MYH11: variants seen among roughly 807,000 people sequenced by gnomAD.
MYH11 encodes myosin-11.
Under a neutral mutation model 246.6 loss-of-function variants are expected in MYH11, and 80 were observed. The observed-to-expected ratio is 0.32, with a 90% CI of 0.27 to 0.39. The LOEUF is 0.39. Among genes scored for constraint, MYH11 ranks in the 10% least tolerant of loss-of-function variants. The pLI is 1.00. For synonymous variants in MYH11, 1,071 were observed against 1,015.5 expected (o/e 1.05, Z -1.04); for missense variants, 2,158 against 2,546.8 (o/e 0.85, Z 3.29).
intron 25 of MYH11, 85 bp downstream of exon 25, chr16:15,737,364 A>C (rs2041148404): frequency 6.3e-7 from 1 of 1,581,110 alleles, no homozygotes; most frequent in Admixed American, 1.7e-5. Flanking sequence ...CGCCTTGACC[A>C]AGACAGCCAC....
At chr16:15,837,815 A>AT (rs2043939654) in intron 2 of MYH11, 93 bp downstream of exon 2, 1 of 1,197,726 alleles carries the variant, frequency 8.3e-7, no homozygotes, top group Non-Finnish European at 1.2e-6. Context: ...GAGTACAGGC[A>AT]TGAGCCACTG....
At chr16:15,762,250 C>T (rs960709249) in intron 10 of MYH11, among the ~76,000 whole-genome samples, 2 of 152,230 alleles carry the variant, frequency 1.3e-5, no homozygotes, top group Non-Finnish European at 2.9e-5. Context: ...CCTAGGATTA[C>T]AGGCATGAGC....
At chr16:15,744,587 C>G (rs2041365714) in intron 20 of MYH11, among the ~76,000 whole-genome samples, 1 of 152,148 alleles carries the variant, frequency 6.6e-6, no homozygotes, top group Non-Finnish European at 1.5e-5. Flanking sequence ...ACTGCAACCT[C>G]TGTCTCCTGA....
chr16:15,745,151 TG>T lies in MYH11; in HGVS notation c.2497del (p.Gln833SerfsTer9). On this transcript the variant is annotated frameshift_variant, in exon 20 of 41. Transcript: ENST00000300036. LOFTEE classifies it high-confidence loss of function. Reference sequence around the variant, plus strand: ...CACTTTGGTGAAAAGCCTCCACCACTGCCAGTTCCGCAGCTTGAGGTAGGCG... The same window carrying T: ...CACTTTGGTGAAAAGCCTCCACCACTCCAGTTCCGCAGCTTGAGGTAGGCG... The part of the protein sequence containing the change: ...CAAYLKLRNW[Q>X]WWRLFTKVKP... The T allele has an allele frequency of 6.2e-7, 1 of 1,614,114 alleles. No homozygotes were observed. The highest frequency in any genetic ancestry group is 8.5e-7 in the Non-Finnish European group (1 of 1,180,004).
At chr16:15,852,049 G>A (rs2044343723) in intron 1 of MYH11, among the ~76,000 whole-genome samples, 1 of 152,178 alleles carries the variant, frequency 6.6e-6, no homozygotes, top group East Asian at 1.9e-4. Flanking sequence ...GGGACGGTGG[G>A]TGAGTGACCA....
In MYH11 at chr16:15,704,023, C is replaced by T. The variant is rs146413415; in HGVS notation, c.5887G>A (p.Ala1963Thr). 218 of 1,614,044 alleles carry T rather than the reference C, an allele frequency of 1.4e-4. No individual in the cohort carries two copies. The highest frequency in any genetic ancestry group is 1.7e-4 in the Non-Finnish European group (206 of 1,180,006). Residue 1963 changes from alanine to threonine, a missense_variant, in exon 41 of 41, where the codon GCA becomes ACA. Transcript: ENST00000300036. Reference sequence around the variant, plus strand: ...CTGGCCTTGGTTCCATTGAAGTCTGCGTCTCGAGTGTCCGTTTCCTCCTCA... The same window carrying T: ...CTGGCCTTGGTTCCATTGAAGTCTGTGTCTCGAGTGTCCGTTTCCTCCTCA... ...GSEEETDTRD[A>T]DFNGTKASE
chr16:15,821,714 C>G (rs974973971), intron 3 of MYH11, among the ~76,000 whole-genome samples: 5 of 142,222 alleles, frequency 3.5e-5, no homozygotes, highest in Admixed American at 1.4e-4. Context: ...GTCAGGAGAT[C>G]GAGACCATCC....
In MYH11 at chr16:15,748,079, G is replaced by T. The variant is rs757340546; in HGVS notation, c.2148C>A (p.Pro716=). The T allele has an allele frequency of 6.2e-7, 1 of 1,614,198 alleles. No individual in the cohort carries two copies. Among genetic ancestry groups the T allele is most frequent in the African/African-American group, 1.3e-5 (1 of 75,064 alleles). Residue 716 remains proline (P), a synonymous_variant, in exon 17 of 41, where the codon CCC becomes CCA. Coordinates refer to ENST00000300036, the MANE Select transcript of MYH11 (RefSeq NM_002474.3). ...GGAACTCCTGGAAGACGATCCGGTTGGGGAAGCCCTGCCGGCAGATGCGAA... is the reference window on the plus strand; with the variant it reads ...GGAACTCCTGGAAGACGATCCGGTTTGGGAAGCCCTGCCGGCAGATGCGAA... The part of the protein sequence containing the change: ...EGIRICRQGF[P]NRIVFQEFRQ...
intron 3 of MYH11, 29 bp from the exon 4 acceptor site, chr16:15,798,716 A>T: frequency 6.2e-7 from 1 of 1,611,972 alleles, no homozygotes; most frequent in Non-Finnish European, 8.5e-7. Context: ...AAAAAGAGCC[A>T]TGAATTAAAA....
At chr16:15,740,013 A>G (rs2041226830) in intron 23 of MYH11, 38 bp downstream of exon 23, 1 of 1,610,796 alleles carries the variant, frequency 6.2e-7, no homozygotes, top group Non-Finnish European at 8.5e-7. Context: ...AAGTGCTCGG[A>G]TTATAGGCGT....
chr16:15,718,172 T>G, intron 37 of MYH11, 143 bp downstream of exon 37: 1 of 1,332,798 alleles, frequency 7.5e-7, no homozygotes. Flanking sequence ...GCCCTGGATC[T>G]CTACTCTCAG....
intron 40 of MYH11, chr16:15,708,885 A>G (rs767483296): frequency 1.3e-6 from 2 of 1,574,742 alleles, no homozygotes; most frequent in African/African-American, 1.3e-5. Flanking sequence ...TCAGCAAACA[A>G]GAAGGAGCCC....
rs992003993 is a variant in MYH11 at position 15,714,847 on chromosome 16, G to A, written c.5786+62C>T. The A allele has an allele frequency of 5.4e-5, 87 of 1,599,684 alleles. No homozygotes were observed. The Middle Eastern group carries it at 2.2e-3, about 41-fold the overall frequency. ...GGCATTTGCAGGCCGAAAGGAGCCC[G>A]AGCCCCCAGTGCTTTTCTCTGGCCT... On this transcript the variant is annotated intron_variant, in intron 40 of 40. Transcript: ENST00000300036.
intron 7 of MYH11, among the ~76,000 whole-genome samples, chr16:15,777,509 C>G (rs1193715319): frequency 6.6e-6 from 1 of 152,092 alleles, no homozygotes; most frequent in East Asian, 1.9e-4. Context: ...AAAAGGAAGG[C>G]TGAGGCCAGA....
intron 16 of MYH11, among the ~76,000 whole-genome samples, chr16:15,748,740 C>T (rs1478047975): frequency 6.6e-6 from 1 of 152,056 alleles, no homozygotes; most frequent in Non-Finnish European, 1.5e-5. Context: ...ATCAGCCTCC[C>T]AAGTATTTGG....
intron 3 of MYH11, among the ~76,000 whole-genome samples, chr16:15,802,934 C>T (rs1165173373): frequency 6.6e-6 from 1 of 151,988 alleles, no homozygotes; most frequent in Non-Finnish European, 1.5e-5. Flanking sequence ...GTCAGGAGTT[C>T]GAGACCAGCC....
At position 15,798,624 on chromosome 16, in the gene MYH11, C is replaced by A. The variant is rs12102468; in HGVS notation, c.530+36G>T. On this transcript the variant is annotated intron_variant, in intron 4 of 40. Transcript: ENST00000300036. ...ACTACAGATTAAAAAAAAAAAAAAA[C>A]AAAAAAAAAACAGAAGAAAAAGCAG... 157,660 of 823,752 alleles carry A rather than the reference C, an allele frequency of 0.19. 14,271 individuals are homozygous for A. The highest frequency in any genetic ancestry group is 0.57 in the African/African-American group (19,171 of 33,350). The allele number at this position is 823,752 out of a possible 1,614,324, so 51.0% of individuals were successfully genotyped here.
chr16:15,730,882 C>T (rs547521286), intron 27 of MYH11, among the ~76,000 whole-genome samples: 5 of 152,356 alleles, frequency 3.3e-5, no homozygotes, highest in African/African-American at 9.6e-5. Flanking sequence ...CACTCCCATA[C>T]ACCGCAAAGA....
intron 40 of MYH11, among the ~76,000 whole-genome samples, chr16:15,711,747 C>T (rs751955585): frequency 7.2e-5 from 11 of 152,090 alleles, no homozygotes; most frequent in Non-Finnish European, 1.2e-4. Flanking sequence ...GGCTGAAGTG[C>T]AGTGGTGCGA....
Sources: gnomAD v4.1 joint callset for allele counts (sites outside exome capture counted in the v4.1 genomes callset) on GRCh38, gnomAD v4.1.1 for gene constraint, MANE v1.5 for transcripts, NCBI Gene and HGNC (gene_info 2026-07-23, HGNC 2026-07-21) for gene names.